Variants in ZNHIT6 observed in about 807,000 individuals in gnomAD.
The protein encoded by ZNHIT6 is box C/D snoRNA protein 1.
ZNHIT6 carries 45 observed loss-of-function variants against 57.2 expected under a neutral mutation model. The ratio of observed to expected loss-of-function variants is 0.79; its 90% CI spans 0.62 to 1.01. The LOEUF is 1.01. Ranked by LOEUF, ZNHIT6 falls within the 50% of genes least tolerant of loss-of-function variation. ZNHIT6 has a pLI of 0.00. For missense variants in ZNHIT6, 528 were observed against 567.3 expected, an observed-to-expected ratio of 0.93 and a Z score of 0.70; for synonymous variants, 188 against 190.0, an observed-to-expected ratio of 0.99 and a Z score of 0.09.
intron 6 of ZNHIT6, among the ~76,000 whole-genome samples, chr1:85,680,539 A>G (rs1483304892): frequency 3.3e-5 from 5 of 152,200 alleles, no homozygotes; most frequent in African/African-American, 9.7e-5. Flanking sequence ...AGTTAGTTCT[A>G]TCACCTTTGT....
rs537911831 is a variant in ZNHIT6 at position 85,700,275 on chromosome 1, G to A, written c.1019+1882C>T. Among the ~76,000 whole-genome samples the A allele has an allele frequency of 2.9e-3, 437 of 152,174 alleles. 2 individuals are homozygous for A. The highest frequency in any genetic ancestry group is 9.9e-3 in the African/African-American group (410 of 41,524). ...ACACTAAAAGGCCACAACTCTACAA[G>A]GTAGCTATCATGAGCTCCATTTTGC... On this transcript the variant is annotated intron_variant, in intron 5 of 9. Transcript: ENST00000370574.
At chr1:85,655,079 A>C (rs1661025844) in intron 9 of ZNHIT6, among the ~76,000 whole-genome samples, 1 of 152,188 alleles carries the variant, frequency 6.6e-6, no homozygotes, top group Admixed American at 6.5e-5. Context: ...TCTAAGAGTA[A>C]GGCACTGAAA....
In ZNHIT6 at chr1:85,672,745, G is replaced by GT. The variant is rs750740156; in HGVS notation, c.1247+4490dup. On this transcript the variant is annotated intron_variant, in intron 8 of 9. Transcript: ENST00000370574. ...CCTAGAAGATTAAATGTACTTAATG[G>GT]TTTTTTTTGAATAAATTTGGAAAGG... Among the ~76,000 whole-genome samples the GT allele has an allele frequency of 2.0e-4, 29 of 146,594 alleles. No individual in the cohort carries two copies. In the South Asian group the frequency reaches 4.2e-3, roughly 21 times the overall value.
chr1:85,669,186 C>A (rs1265744895), intron 8 of ZNHIT6, among the ~76,000 whole-genome samples: 5 of 152,094 alleles, frequency 3.3e-5, no homozygotes, highest in Non-Finnish European at 5.9e-5. Context: ...GGAAGAATAA[C>A]TGGCCAGTAG....
In ZNHIT6 at chr1:85,667,961, A is replaced by AAAAAAAAAAAATGTATATATATATAT; in HGVS notation, c.1247+9274_1247+9275insATATATATATATACATTTTTTTTTTT. 6.0e-4 allele frequency among the ~76,000 whole-genome samples: 11 copies of AAAAAAAAAAAATGTATATATATATAT among 18,198 alleles called. 1 individual carries two copies. The highest frequency in any genetic ancestry group is 8.9e-4 in the Non-Finnish European group (9 of 10,102). The allele number at this position is 18,198 out of a possible 152,430, so 11.9% of individuals were successfully genotyped here. The stretch of plus-strand genomic sequence containing the variant: ...ACTCTCTCTTTCAAAAAAAAAAAAA[A>AAAAAAAAAAAATGTATATATATATAT]ATATATATATATATATATATATATG... On this transcript the variant is annotated intron_variant, in intron 8 of 9. Coordinates refer to ENST00000370574, the MANE Select transcript of ZNHIT6 (RefSeq NM_017953.4).
chr1:85,686,823 G>A (rs772621804), intron 5 of ZNHIT6, among the ~76,000 whole-genome samples: 4 of 152,100 alleles, frequency 2.6e-5, no homozygotes, highest in Non-Finnish European at 5.9e-5. Context: ...TGGGGGAGAG[G>A]TTAAGTGGAC....
intron 8 of ZNHIT6, among the ~76,000 whole-genome samples, chr1:85,668,987 T>C (rs1661467720): frequency 6.7e-6 from 1 of 149,176 alleles, no homozygotes; most frequent in African/African-American, 2.5e-5. Flanking sequence ...ACAGAGATTG[T>C]AAAAAAAAAA....
At chr1:85,699,374 A>G (rs996841244) in intron 5 of ZNHIT6, among the ~76,000 whole-genome samples, 16 of 152,258 alleles carry the variant, frequency 1.1e-4, no homozygotes, top group African/African-American at 3.6e-4. Context: ...TATGTTAATT[A>G]TCTGGACCAA....
chr1:85,658,628 T>C (rs564391407), intron 8 of ZNHIT6, among the ~76,000 whole-genome samples: 46 of 152,104 alleles, frequency 3.0e-4, no homozygotes, highest in African/African-American at 1.1e-3. Context: ...TCCCAGCACT[T>C]TGGGAGGTCA....
At chr1:85,662,720 T>C (rs1661259695) in intron 8 of ZNHIT6, among the ~76,000 whole-genome samples, 1 of 152,196 alleles carries the variant, frequency 6.6e-6, no homozygotes, top group African/African-American at 2.4e-5. Flanking sequence ...CACTTTGTTT[T>C]GGGATTTTTA....
At chr1:85,706,196 G>C in intron 3 of ZNHIT6, 33 bp from the exon 4 acceptor site, 1 of 1,611,010 alleles carries the variant, frequency 6.2e-7, no homozygotes, top group East Asian at 2.2e-5. Flanking sequence ...ATAAACAAGT[G>C]ACATATACCA....
At chr1:85,658,218 C>T (rs1017473110) in intron 8 of ZNHIT6, among the ~76,000 whole-genome samples, 1 of 151,910 alleles carries the variant, frequency 6.6e-6, no homozygotes, top group Non-Finnish European at 1.5e-5. Flanking sequence ...AGCTCTAAAA[C>T]AAGTTACTAA....
intron 5 of ZNHIT6, among the ~76,000 whole-genome samples, chr1:85,682,482 C>T (rs765519732): frequency 6.6e-6 from 1 of 152,088 alleles, no homozygotes; most frequent in African/African-American, 2.4e-5. Context: ...AAAAACCATT[C>T]GCCTTTTAAC....
intron 8 of ZNHIT6, among the ~76,000 whole-genome samples, chr1:85,665,419 T>C (rs1183606760): frequency 6.6e-6 from 1 of 152,012 alleles, no homozygotes; most frequent in Non-Finnish European, 1.5e-5. Flanking sequence ...TGAGCCACTG[T>C]GCCGGCCTCA....
In ZNHIT6 at chr1:85,680,826, G is replaced by A. The variant is rs769993249; in HGVS notation, c.1088+10C>T. 6.2e-7 allele frequency: 1 copy of A among 1,600,992 alleles called. No individual in the cohort carries two copies. Among genetic ancestry groups the A allele is most frequent in the South Asian group, 1.1e-5 (1 of 89,048 alleles). On this transcript the variant is annotated intron_variant, in intron 6 of 9. Transcript: ENST00000370574. ...AAAACAAATCAGTGATTGAAAGATA[G>A]CAGTGATACCTTTTTTCTATGTACT...
chr1:85,667,961 A>AAAAAAAAAAAAAAAAAAAAAATAT, intron 8 of ZNHIT6, among the ~76,000 whole-genome samples: 3 of 18,202 alleles, frequency 1.6e-4, no homozygotes, highest in African/African-American at 6.4e-4. Flanking sequence ...AAAAAAAAAA[A>AAAAAAAAAAAAAAAAAAAAAATAT]ATATATATAT....
At chr1:85,703,299 G>A (rs1375500925) in intron 4 of ZNHIT6, among the ~76,000 whole-genome samples, 2 of 152,114 alleles carry the variant, frequency 1.3e-5, no homozygotes, top group Non-Finnish European at 2.9e-5. Context: ...ACCATCCCTT[G>A]CTTAGATTTG....
intron 5 of ZNHIT6, among the ~76,000 whole-genome samples, chr1:85,698,602 T>C (rs1375985382): frequency 6.6e-6 from 1 of 152,178 alleles, no homozygotes; most frequent in Non-Finnish European, 1.5e-5. Flanking sequence ...TTTGACTATA[T>C]TGCAACTCAA....
intron 6 of ZNHIT6, among the ~76,000 whole-genome samples, chr1:85,678,982 A>C (rs539536922): frequency 3.1e-4 from 47 of 152,274 alleles, no homozygotes; most frequent in African/African-American, 1.1e-3. Context: ...TCTTGGACAC[A>C]CTTAAGGTCT....
Sources: gnomAD v4.1 joint callset for allele counts (sites outside exome capture counted in the v4.1 genomes callset) on GRCh38, gnomAD v4.1.1 for gene constraint, MANE v1.5 for transcripts, NCBI Gene and HGNC (gene_info 2026-07-23, HGNC 2026-07-21) for gene names.